Variants in WDR44 observed in about 807,000 individuals in gnomAD.
WDR44 encodes WD repeat-containing protein 44.
Under a neutral mutation model 65.7 loss-of-function variants are expected in WDR44, and 9 were observed. That is an observed-to-expected ratio of 0.14 (90% confidence interval 0.08 to 0.24). The LOEUF is 0.24. Ranked by LOEUF, WDR44 falls within the 10% of genes least tolerant of loss-of-function variation. The probability of loss-of-function intolerance (pLI) is 1.00; values close to 1 mark genes in which losing one functional copy is unlikely to be tolerated. For missense variants in WDR44, 425 were observed against 670.9 expected (o/e 0.63, Z 4.05); for synonymous variants, 220 against 235.2 (o/e 0.94, Z 0.59).
intron 12 of WDR44, among the ~76,000 whole-genome samples, chrX:118,414,107 AG>A (rs1209049118): frequency 3.6e-5 from 4 of 110,316 alleles, no homozygotes; most frequent in Non-Finnish European, 7.6e-5. Flanking sequence ...GAAATCAGTA[AG>A]TGTGACGCCT....
chrX:118,423,383 G>A, intron 12 of WDR44, among the ~76,000 whole-genome samples: 1 of 111,392 alleles, frequency 9.0e-6, no homozygotes, highest in Non-Finnish European at 1.9e-5. Flanking sequence ...TGATCAGGCT[G>A]GTCTCGAACT....
chrX:118,445,253 C>T (rs1473484362), intron 19 of WDR44, among the ~76,000 whole-genome samples: 2 of 111,739 alleles, frequency 1.8e-5, no homozygotes, highest in African/African-American at 6.5e-5. Context: ...TGAGATCGCG[C>T]CACTGCACTC....
intron 1 of WDR44, among the ~76,000 whole-genome samples, chrX:118,358,270 G>A (rs1010104173): frequency 6.3e-5 from 7 of 111,910 alleles, no homozygotes; most frequent in Admixed American, 2.8e-4. Flanking sequence ...AGTAAAGACT[G>A]GATAGTTGTA....
intron 12 of WDR44, among the ~76,000 whole-genome samples, chrX:118,431,127 C>T (rs2057206685): frequency 1.8e-5 from 2 of 111,405 alleles, no homozygotes; most frequent in African/African-American, 6.5e-5. Context: ...TTATTGACTG[C>T]TTTTCCTGCC....
chrX:118,352,344 ATATATATATTTT>A (rs1349179688), intron 1 of WDR44, among the ~76,000 whole-genome samples: 21 of 23,056 alleles, frequency 9.1e-4, no homozygotes, highest in African/African-American at 5.7e-3. Context: ...ATATATATAT[ATATATATATTTT>A]TTTTTTTTTT....
At chrX:118,397,232 A>T (rs2056873025) in intron 7 of WDR44, 126 bp downstream of exon 7, 1 of 557,938 alleles carries the variant, frequency 1.8e-6, no homozygotes, top group Non-Finnish European at 2.6e-6. Context: ...ATTAAAATAG[A>T]GTTAGATAAT....
chrX:118,436,053 G>A (rs746634114), intron 13 of WDR44, among the ~76,000 whole-genome samples: 1 of 111,999 alleles, frequency 8.9e-6, no homozygotes, highest in South Asian at 3.7e-4. Flanking sequence ...TCTGCCAGCT[G>A]AAAGCTTTTG....
intron 12 of WDR44, among the ~76,000 whole-genome samples, chrX:118,424,258 T>C (rs2057130893): frequency 1.1e-5 from 1 of 94,649 alleles, no homozygotes; most frequent in East Asian, 3.7e-4. Flanking sequence ...CACTAATACT[T>C]GTTATCTTAT....
At chrX:118,366,871 G>T (rs2056557707) in intron 1 of WDR44, among the ~76,000 whole-genome samples, 1 of 111,998 alleles carries the variant, frequency 8.9e-6, no homozygotes, top group African/African-American at 3.2e-5. Flanking sequence ...ACCGAGGCGG[G>T]CAGATGACGA....
chrX:118,361,507 G>GC (rs2056511749), intron 1 of WDR44, among the ~76,000 whole-genome samples: 1 of 112,003 alleles, frequency 8.9e-6, no homozygotes, highest in South Asian at 3.7e-4. Context: ...CAGGCGGGGG[G>GC]CCAAGGCAGA....
intron 14 of WDR44, among the ~76,000 whole-genome samples, chrX:118,437,053 A>G (rs7881111): frequency 0.018 from 2,022 of 112,031 alleles, 50 homozygotes; most frequent in African/African-American, 0.063. Context: ...AAGACATGCA[A>G]GGTATAAATA....
chrX:118,412,204 A>C (rs781494921), intron 12 of WDR44, among the ~76,000 whole-genome samples: 31 of 111,937 alleles, frequency 2.8e-4, no homozygotes, highest in Non-Finnish European at 4.1e-4. Flanking sequence ...GGAGGCTAGT[A>C]TGTTAAAGGT....
chrX:118,401,935 A>G (rs1283391773), intron 8 of WDR44, among the ~76,000 whole-genome samples: 1 of 111,046 alleles, frequency 9.0e-6, no homozygotes, highest in African/African-American at 3.3e-5. Flanking sequence ...TGTATTCGCC[A>G]TAGAATTTTT....
At chrX:118,448,775 A>G (rs754793137) in intron 19 of WDR44, 118 bp from the exon 20 acceptor site, 22 of 399,319 alleles carry the variant, frequency 5.5e-5, no homozygotes, top group Non-Finnish European at 9.4e-5. Context: ...GGAGACTGAA[A>G]AGGTGGGGAG....
intron 2 of WDR44, among the ~76,000 whole-genome samples, chrX:118,382,153 G>A: frequency 8.9e-6 from 1 of 112,241 alleles, no homozygotes; most frequent in Non-Finnish European, 1.9e-5. Context: ...ACATGAATGA[G>A]TCTCTGTGCC....
chrX:118,426,685 A>G (rs1383656326), intron 12 of WDR44, among the ~76,000 whole-genome samples: 1 of 110,444 alleles, frequency 9.1e-6, no homozygotes, highest in East Asian at 2.8e-4. Context: ...TAGCCTGGGC[A>G]ACAGAACAAG....
intron 6 of WDR44, 49 bp downstream of exon 6, chrX:118,395,393 A>G: frequency 9.6e-7 from 1 of 1,044,210 alleles, no homozygotes; most frequent in Non-Finnish European, 1.3e-6. Flanking sequence ...AAGTACAAAA[A>G]ACATAATGGG....
chrX:118,431,365 G>A (rs190928473), intron 12 of WDR44, among the ~76,000 whole-genome samples: 33 of 111,702 alleles, frequency 3.0e-4, no homozygotes, highest in African/African-American at 9.8e-4. Flanking sequence ...GTGCAATGCT[G>A]TGATCTCAGC....
rs891163822 is a variant in WDR44, at chrX:118,376,985, G to C, written c.78-1434G>C. Among the ~76,000 whole-genome samples the C allele has an allele frequency of 1.0e-4, 11 of 107,103 alleles. No individual in the cohort carries two copies. In the South Asian group the frequency reaches 2.5e-3, roughly 25 times the overall value. 93.0% of individuals were successfully genotyped at this position (107,103 alleles called of 115,157 possible). A position where few individuals can be genotyped will look rare whatever the true frequency, so the allele number is the denominator to read the frequency against. On this transcript the variant is annotated intron_variant, in intron 1 of 19. Coordinates refer to ENST00000254029, the MANE Select transcript of WDR44 (RefSeq NM_019045.5). ...GTCACTGCACTCAAGCCTGAGTAAC[G>C]GAGTGAGACCCTATCTCAAAAAAAT...
Sources: gnomAD v4.1 joint callset for allele counts (sites outside exome capture counted in the v4.1 genomes callset) on GRCh38, gnomAD v4.1.1 for gene constraint, MANE v1.5 for transcripts, NCBI Gene and HGNC (gene_info 2026-07-23, HGNC 2026-07-21) for gene names.